Variants in XKR9 observed in about 807,000 individuals in gnomAD.
XKR9 encodes XK related 9.
Under a neutral mutation model 32.0 loss-of-function variants are expected in XKR9, and 32 were observed. The observed-to-expected ratio is 1.00, with a 90% CI of 0.76 to 1.34. The LOEUF (loss-of-function observed/expected upper bound fraction) is 1.34. Among genes scored for constraint, XKR9 ranks in the 40% most tolerant of loss-of-function variants. The probability of loss-of-function intolerance (pLI) is 0.00; values close to 1 mark genes in which losing one functional copy is unlikely to be tolerated. For synonymous variants in XKR9, 168 were observed against 143.4 expected (o/e 1.17, Z -1.22); for missense variants, 546 against 429.7 (o/e 1.27, Z -2.39).
chr8:70,914,840 CA>C, the XKR9 span, among the ~76,000 whole-genome samples: 2 of 152,170 alleles, frequency 1.3e-5, no homozygotes, highest in African/African-American at 4.8e-5. Flanking sequence ...ATGTAATCAC[CA>C]AATGGATTCT....
chr8:70,670,986 A>G (rs1818696526), intron 1 of XKR9, among the ~76,000 whole-genome samples: 1 of 152,160 alleles, frequency 6.6e-6, no homozygotes. Flanking sequence ...GATTCCTGAG[A>G]ATCTGGGCAC....
At chr8:70,905,358 A>G in the XKR9 span, among the ~76,000 whole-genome samples, 55 of 152,068 alleles carry the variant, frequency 3.6e-4, no homozygotes, top group Non-Finnish European at 1.3e-4. Flanking sequence ...TTCTTGCTTC[A>G]TTTCATTAAT....
At chr8:71,013,213 G>A in the XKR9 span, among the ~76,000 whole-genome samples, 7 of 152,174 alleles carry the variant, frequency 4.6e-5, no homozygotes, top group Non-Finnish European at 8.8e-5. Context: ...GTATCTAGAG[G>A]AATGGAGGGG....
chr8:70,901,255 A>G, the XKR9 span, among the ~76,000 whole-genome samples: 1 of 152,198 alleles, frequency 6.6e-6, no homozygotes. Context: ...CAATAGTTGA[A>G]CTAGTTTACA....
the XKR9 span, among the ~76,000 whole-genome samples, chr8:70,901,008 A>G: frequency 2.6e-5 from 4 of 152,186 alleles, no homozygotes; most frequent in East Asian, 7.7e-4. Context: ...TTATGGCTGC[A>G]TAGTATTTCA....
intron 2 of XKR9, among the ~76,000 whole-genome samples, chr8:70,755,035 A>G (rs1310862943): frequency 6.6e-6 from 1 of 152,180 alleles, no homozygotes; most frequent in East Asian, 1.9e-4. Flanking sequence ...GCTAATATCC[A>G]GAATCTACAA....
downstream of XKR9, among the ~76,000 whole-genome samples, chr8:70,793,504 G>A (rs566380200): frequency 6.6e-6 from 1 of 152,134 alleles, no homozygotes; most frequent in East Asian, 1.9e-4. Context: ...CACCCCACTA[G>A]CACAAATACC....
At chr8:71,062,488 C>T in the XKR9 span, among the ~76,000 whole-genome samples, 1 of 152,164 alleles carries the variant, frequency 6.6e-6, no homozygotes, top group Non-Finnish European at 1.5e-5. Flanking sequence ...GGCCCCACCT[C>T]CTAATACCTT....
At chr8:70,919,803 C>T in the XKR9 span, among the ~76,000 whole-genome samples, 1 of 152,172 alleles carries the variant, frequency 6.6e-6, no homozygotes, top group Non-Finnish European at 1.5e-5. Flanking sequence ...CAGCAGCACC[C>T]AGCACGCAGG....
chr8:70,912,302 T>G, the XKR9 span, among the ~76,000 whole-genome samples: 1 of 152,096 alleles, frequency 6.6e-6, no homozygotes, highest in Non-Finnish European at 1.5e-5. Flanking sequence ...GTGTGAAATA[T>G]GAATACAAAT....
chr8:70,995,876 A>G, the XKR9 span, among the ~76,000 whole-genome samples: 4 of 152,140 alleles, frequency 2.6e-5, no homozygotes, highest in East Asian at 1.9e-4. Flanking sequence ...TCTTCACCCA[A>G]TTCACATTTT....
chr8:70,879,584 T>TA, the XKR9 span, among the ~76,000 whole-genome samples: 1 of 152,058 alleles, frequency 6.6e-6, no homozygotes, highest in Non-Finnish European at 1.5e-5. Flanking sequence ...CCTGGACACA[T>TA]ACACCCTCCC....
chr8:70,980,043 C>T, the XKR9 span, among the ~76,000 whole-genome samples: 9 of 152,228 alleles, frequency 5.9e-5, no homozygotes, highest in Non-Finnish European at 1.3e-4. Context: ...GAGCAAGGCT[C>T]CATGTGTGTG....
At chr8:70,743,011 T>A (rs529624920) in intron 2 of XKR9, among the ~76,000 whole-genome samples, 91 of 152,216 alleles carry the variant, frequency 6.0e-4, no homozygotes, top group African/African-American at 2.1e-3. Context: ...ATGGTTTTTC[T>A]TCTTCTTTAT....
chr8:70,933,488 G>A, the XKR9 span, among the ~76,000 whole-genome samples: 1 of 151,914 alleles, frequency 6.6e-6, no homozygotes, highest in African/African-American at 2.4e-5. Flanking sequence ...TTAGATTTAG[G>A]AGAAGATTTC....
At chr8:70,835,779 A>G in the XKR9 span, among the ~76,000 whole-genome samples, 1 of 152,070 alleles carries the variant, frequency 6.6e-6, no homozygotes, top group Admixed American at 6.6e-5. Context: ...ACCACTATAC[A>G]TTTATAAACA....
At chr8:70,715,649 C>G (rs1429713182) in intron 4 of XKR9, among the ~76,000 whole-genome samples, 1 of 151,880 alleles carries the variant, frequency 6.6e-6, no homozygotes, top group Non-Finnish European at 1.5e-5. Flanking sequence ...ATAAAAATAG[C>G]TCACATCAAG....
chr8:70,985,984 G>A, the XKR9 span, among the ~76,000 whole-genome samples: 1 of 152,016 alleles, frequency 6.6e-6, no homozygotes, highest in East Asian at 1.9e-4. Flanking sequence ...AGATTACAGA[G>A]GGCAAGTAGT....
At chr8:70,721,886 T>C (rs558443129) in intron 4 of XKR9, among the ~76,000 whole-genome samples, 3 of 151,934 alleles carry the variant, frequency 2.0e-5, no homozygotes, top group Admixed American at 2.0e-4. Context: ...TGATCTAATA[T>C]TGACAGTGGG....
Sources: gnomAD v4.1 joint callset for allele counts (sites outside exome capture counted in the v4.1 genomes callset) on GRCh38, gnomAD v4.1.1 for gene constraint, MANE v1.5 for transcripts, NCBI Gene and HGNC (gene_info 2026-07-23, HGNC 2026-07-21) for gene names.